The following NYAP2 variants were observed in gnomAD, a reference collection of about 807,000 sequenced individuals.
The protein encoded by NYAP2 is neuronal tyrosine-phosphorylated phosphoinositide-3-kinase adapter 2.
In NYAP2, 23 loss-of-function variants were observed where a neutral mutation model predicts 50.4. The ratio of observed to expected loss-of-function variants is 0.46; its 90% CI spans 0.33 to 0.65. The LOEUF is 0.65. Among genes scored for constraint, NYAP2 ranks in the 30% least tolerant of loss-of-function variants. The pLI is 0.02. For missense variants in NYAP2, 885 were observed against 861.0 expected, an observed-to-expected ratio of 1.03 and a Z score of -0.35; for synonymous variants, 394 against 365.2, an observed-to-expected ratio of 1.08 and a Z score of -0.90.
chr2:225,547,693 G>C (rs1691608136), intron 4 of NYAP2, among the ~76,000 whole-genome samples: 1 of 152,206 alleles, frequency 6.6e-6, no homozygotes, highest in Non-Finnish European at 1.5e-5. Flanking sequence ...GGATGGGGAA[G>C]AAGTGGCATC....
chr2:225,517,078 A>G (rs1690949051), intron 4 of NYAP2, among the ~76,000 whole-genome samples: 2 of 152,294 alleles, frequency 1.3e-5, no homozygotes, highest in South Asian at 4.1e-4. Context: ...ACAAAAAAAA[A>G]TCACATACCA....
chr2:225,563,254 T>A (rs984049194), intron 4 of NYAP2, among the ~76,000 whole-genome samples: 1 of 152,070 alleles, frequency 6.6e-6, no homozygotes, highest in African/African-American at 2.4e-5. Context: ...AAGAAGATTA[T>A]TCTTAGATTG....
At chr2:225,471,280 G>A (rs937526466) in intron 3 of NYAP2, among the ~76,000 whole-genome samples, 3 of 152,182 alleles carry the variant, frequency 2.0e-5, no homozygotes, top group Non-Finnish European at 2.9e-5. Context: ...ATCTATACAC[G>A]TGAGTGAATG....
At chr2:225,690,223 A>T in the NYAP2 span, among the ~76,000 whole-genome samples, 1 of 152,162 alleles carries the variant, frequency 6.6e-6, no homozygotes, top group South Asian at 2.1e-4. Flanking sequence ...TGTTTCCAAC[A>T]TATCAATTAT....
chr2:225,539,652 G>A lies in NYAP2; in HGVS notation c.523+25980G>A, dbSNP rs1426905559. ...CCACATAAATGTCTTCTTTTGAGAA[G>A]TGTCTGTTCATCTCCTTTGACCACT... On this transcript the variant is annotated intron_variant, in intron 4 of 6. Coordinates refer to ENST00000636099, the Ensembl canonical transcript of NYAP2. 3.3e-5 allele frequency among the ~76,000 whole-genome samples: 5 copies of A among 151,982 alleles called. No individual in the cohort carries two copies. In the South Asian group the frequency reaches 1.0e-3, roughly 31 times the overall value.
the NYAP2 span, among the ~76,000 whole-genome samples, chr2:225,671,746 A>G: frequency 6.6e-6 from 1 of 152,156 alleles, no homozygotes; most frequent in African/African-American, 2.4e-5. Flanking sequence ...GATTTCTTAA[A>G]TAATAAGATT....
At chr2:225,429,696 T>C (rs766601282) in intron 3 of NYAP2, among the ~76,000 whole-genome samples, 2 of 152,346 alleles carry the variant, frequency 1.3e-5, no homozygotes, top group Middle Eastern at 3.4e-3. Flanking sequence ...ATAGCACATA[T>C]GTTTGCAGAA....
the NYAP2 span, among the ~76,000 whole-genome samples, chr2:225,694,673 G>T: frequency 6.6e-6 from 1 of 151,690 alleles, no homozygotes; most frequent in Non-Finnish European, 1.5e-5. Context: ...GAAATATTTT[G>T]GGGGAGTTTA....
Position 225,408,941 on chromosome 2 carries a change from C to G in NYAP2, c.61C>G (p.Gln21Glu), listed in dbSNP as rs201512658. 4.6e-4 allele frequency: 744 copies of G among 1,611,804 alleles called. 1 individual carries two copies. Among genetic ancestry groups the G allele is most frequent in the Non-Finnish European group, 6.0e-4 (704 of 1,178,422 alleles). ...GGAAGACCCTTTGGACACATTTCTC[C>G]AGTACATTGAGGATATGGGGATGAA... The change falls in exon 3 of 7, where the codon CAG becomes GAG. Residue 21 changes from glutamine (Q) to glutamate (E), a missense_variant. Coordinates refer to ENST00000636099, the Ensembl canonical transcript of NYAP2.
At chr2:225,593,314 T>C (rs1453789309) in intron 5 of NYAP2, among the ~76,000 whole-genome samples, 1 of 152,192 alleles carries the variant, frequency 6.6e-6, no homozygotes, top group African/African-American at 2.4e-5. Flanking sequence ...ATGAAAATAT[T>C]AGATGCTAAA....
chr2:225,533,476 C>T (rs952648750), intron 4 of NYAP2, among the ~76,000 whole-genome samples: 2 of 152,064 alleles, frequency 1.3e-5, no homozygotes, highest in East Asian at 1.9e-4. Context: ...TGCTTGAGCT[C>T]GGGAGTTTGA....
At chr2:225,689,098 T>C in the NYAP2 span, among the ~76,000 whole-genome samples, 1 of 152,274 alleles carries the variant, frequency 6.6e-6, no homozygotes, top group East Asian at 1.9e-4. Flanking sequence ...TGCATTCTAT[T>C]AGGAGCTTGA....
intron 5 of NYAP2, among the ~76,000 whole-genome samples, chr2:225,612,445 G>T (rs1323890505): frequency 6.6e-6 from 1 of 151,926 alleles, no homozygotes; most frequent in Non-Finnish European, 1.5e-5. Flanking sequence ...ACTGGCATTG[G>T]GGAGCTTACA....
At chr2:225,637,116 G>T (rs1216079202) in intron 6 of NYAP2, among the ~76,000 whole-genome samples, 4 of 152,138 alleles carry the variant, frequency 2.6e-5, no homozygotes, top group African/African-American at 9.7e-5. Flanking sequence ...TAACAGGTAA[G>T]TAGAGTATGC....
At chr2:225,665,277 T>C in the NYAP2 span, among the ~76,000 whole-genome samples, 10 of 152,138 alleles carry the variant, frequency 6.6e-5, no homozygotes, top group African/African-American at 2.4e-4. Context: ...TTGGGTGATT[T>C]AGCACTTGTT....
intron 4 of NYAP2, among the ~76,000 whole-genome samples, chr2:225,527,320 AC>A (rs1691170070): frequency 6.6e-6 from 1 of 152,162 alleles, no homozygotes; most frequent in Non-Finnish European, 1.5e-5. Flanking sequence ...ACGAACTACC[AC>A]AAATGTAATG....
chr2:225,621,270 G>A (rs1227917257), intron 5 of NYAP2, among the ~76,000 whole-genome samples: 1 of 152,180 alleles, frequency 6.6e-6, no homozygotes, highest in African/African-American at 2.4e-5. Context: ...TTCTGATACT[G>A]GTTTTATTCC....
the NYAP2 span, among the ~76,000 whole-genome samples, chr2:225,679,638 G>A: frequency 6.6e-6 from 1 of 151,410 alleles, no homozygotes; most frequent in African/African-American, 2.4e-5. Context: ...GAGACTACAG[G>A]CATGCACCAC....
chr2:225,403,318 C>G (rs1364873217), intron 2 of NYAP2, among the ~76,000 whole-genome samples: 1 of 151,898 alleles, frequency 6.6e-6, no homozygotes, highest in Non-Finnish European at 1.5e-5. Context: ...GACTAGAAAA[C>G]TTTACCCTCT....
Sources: gnomAD v4.1 joint callset for allele counts (sites outside exome capture counted in the v4.1 genomes callset) on GRCh38, gnomAD v4.1.1 for gene constraint, MANE v1.5 for transcripts, NCBI Gene and HGNC (gene_info 2026-07-23, HGNC 2026-07-21) for gene names.